The following NUF2 variants were observed in gnomAD, a reference collection of about 807,000 sequenced individuals.
NUF2 encodes the protein kinetochore protein Nuf2.
Under a neutral mutation model 61.8 loss-of-function variants are expected in NUF2, and 34 were observed. The observed-to-expected ratio is 0.55, with a 90% confidence interval of 0.42 to 0.73. NUF2 has a LOEUF of 0.73. NUF2 is among the 30% of genes least tolerant of loss of function. The pLI, the probability that NUF2 is intolerant of heterozygous loss-of-function variation, is 0.00. For missense variants in NUF2, 445 were observed against 539.1 expected, an observed-to-expected ratio of 0.83 and a Z score of 1.73; for synonymous variants, 172 against 181.6, an observed-to-expected ratio of 0.95 and a Z score of 0.42.
intron 5 of NUF2, 80 bp from the exon 6 acceptor site, chr1:163,336,671 A>T: frequency 1.2e-6 from 1 of 836,300 alleles, no homozygotes; most frequent in Non-Finnish European, 2.1e-6. Flanking sequence ...AGCAGAATAT[A>T]TAGTGGAAGA....
At chr1:163,333,255 A>G (rs1405128388) in intron 5 of NUF2, among the ~76,000 whole-genome samples, 1 of 152,092 alleles carries the variant, frequency 6.6e-6, no homozygotes. Context: ...GTTTCTTTTC[A>G]TTAGTATTAC....
At chr1:163,332,459 A>G (rs957493567) in intron 5 of NUF2, among the ~76,000 whole-genome samples, 1 of 152,174 alleles carries the variant, frequency 6.6e-6, no homozygotes, top group South Asian at 2.1e-4. Flanking sequence ...GTGACTTAAG[A>G]TAACATACAT....
At chr1:163,345,583 A>C in intron 10 of NUF2, 95 bp from the exon 11 acceptor site, 14 of 1,101,338 alleles carry the variant, frequency 1.3e-5, no homozygotes, top group Non-Finnish European at 1.7e-5. Flanking sequence ...TTCAGTATTA[A>C]ATGTGGAAAT....
chr1:163,337,917 T>C, intron 6 of NUF2, 103 bp from the exon 7 acceptor site: 1 of 862,626 alleles, frequency 1.2e-6, no homozygotes, highest in Non-Finnish European at 1.9e-6. Context: ...CTATCTTAAA[T>C]TTTTTATTTC....
At chr1:163,350,072 C>T (rs368082566) in intron 13 of NUF2, among the ~76,000 whole-genome samples, 3 of 151,670 alleles carry the variant, frequency 2.0e-5, no homozygotes, top group Admixed American at 6.6e-5. Flanking sequence ...GAGGCCGAGG[C>T]GGGCGGATCA....
At chr1:163,325,787 G>A (rs1557945588) in intron 1 of NUF2, among the ~76,000 whole-genome samples, 1 of 152,028 alleles carries the variant, frequency 6.6e-6, no homozygotes, top group Non-Finnish European at 1.5e-5. Context: ...CAAATGTGTT[G>A]TTCTCTTCCT....
intron 13 of NUF2, among the ~76,000 whole-genome samples, chr1:163,351,896 T>C (rs1651333301): frequency 6.6e-6 from 1 of 152,218 alleles, no homozygotes; most frequent in African/African-American, 2.4e-5. Flanking sequence ...TTCCCATAGA[T>C]AATTTATCTC....
intron 8 of NUF2, 31 bp downstream of exon 8, chr1:163,339,508 A>T (rs748898424): frequency 7.0e-7 from 1 of 1,422,808 alleles, no homozygotes; most frequent in Admixed American, 1.7e-5. Context: ...TAAACTTTAA[A>T]AAACAAAATT....
chr1:163,339,355 AT>A, intron 7 of NUF2, 25 bp from the exon 8 acceptor site: 1 of 1,431,876 alleles, frequency 7.0e-7, no homozygotes, highest in Non-Finnish European at 9.8e-7. Flanking sequence ...GAAGAGCAGT[AT>A]TTTAATCTAT....
At chr1:163,348,891 G>A (rs760887563) in intron 12 of NUF2, 54 bp from the exon 13 acceptor site, 43 of 1,567,766 alleles carry the variant, frequency 2.7e-5, no homozygotes, top group Non-Finnish European at 3.7e-5. Context: ...AATTGTGTTT[G>A]CCTTTTTAGT....
intron 9 of NUF2, among the ~76,000 whole-genome samples, chr1:163,343,077 C>G (rs990224899): frequency 6.6e-6 from 1 of 152,140 alleles, no homozygotes; most frequent in Non-Finnish European, 1.5e-5. Flanking sequence ...GAATTTCCAG[C>G]TACCCTTCAC....
chr1:163,322,590 C>G (rs545710841), intron 1 of NUF2, among the ~76,000 whole-genome samples: 2 of 152,286 alleles, frequency 1.3e-5, no homozygotes, highest in East Asian at 1.9e-4. Context: ...GTTCAAGGAA[C>G]GTTTTACTTA....
intron 11 of NUF2, chr1:163,346,333 T>A (rs2101687113): frequency 6.6e-6 from 1 of 152,294 alleles, no homozygotes; most frequent in Non-Finnish European, 1.5e-5. Context: ...TGTACTAAAA[T>A]CAATAAGTTT....
intron 1 of NUF2, 26 bp downstream of exon 1, chr1:163,322,238 T>A (rs1201786751): frequency 1.3e-5 from 2 of 152,248 alleles, no homozygotes; most frequent in Admixed American, 1.3e-4. Flanking sequence ...GTCGTTACTT[T>A]TTATTTGATG....
chr1:163,322,558 G>A lies in NUF2; in HGVS notation c.-21+346G>A, dbSNP rs927233563. On this transcript the variant is annotated intron_variant, in intron 1 of 13. Coordinates refer to ENST00000271452, the MANE Select transcript of NUF2 (RefSeq NM_145697.3). ...ATATATAGCACTACGCATGCATAAC[G>A]CCATCATTGTTCCTTTTAAAAGTTC... Among the ~76,000 whole-genome samples, 6 of 152,248 alleles carry A rather than the reference G, an allele frequency of 3.9e-5. No individual in the cohort carries two copies. The South Asian group carries it at 8.3e-4, about 21-fold the overall frequency.
intron 13 of NUF2, among the ~76,000 whole-genome samples, chr1:163,353,900 A>G (rs1260311885): frequency 2.0e-5 from 3 of 152,164 alleles, no homozygotes; most frequent in Non-Finnish European, 4.4e-5. Flanking sequence ...CTCGGAAGGA[A>G]AGTATTCCTT....
rs1430559671 is a variant in NUF2 at position 163,327,531 on chromosome 1, TA to T, written c.168del (p.Tyr57MetfsTer10). ...ATCTACATGAGAGCCTTACAAATAGTATATGGAATTCGACTGGAACATTTTT... is the reference window on the plus strand; with the variant it reads ...ATCTACATGAGAGCCTTACAAATAGTTATGGAATTCGACTGGAACATTTTT... ...HMIYMRALQI[V>X]YGIRLEHFYM... On this transcript the variant is annotated frameshift_variant, in exon 3 of 14. Transcript: ENST00000271452. LOFTEE classifies it high-confidence loss of function. 5.6e-6 allele frequency: 9 copies of T among 1,612,226 alleles called. No homozygotes were observed. The highest frequency in any genetic ancestry group is 1.3e-5 in the African/African-American group (1 of 74,856).
At position 163,343,947 on chromosome 1, in the gene NUF2, T is replaced by C. The variant is rs913136671; in HGVS notation, c.807+77T>C. On this transcript the variant is annotated intron_variant, in intron 10 of 13. Coordinates refer to ENST00000271452, the MANE Select transcript of NUF2 (RefSeq NM_145697.3). The stretch of plus-strand genomic sequence containing the variant: ...AAATTCTTGTTTAATTATGTGTTAA[T>C]TTTTGGATTTCTGAATTATCTATAC... 5 of 950,914 alleles carry C rather than the reference T, an allele frequency of 5.3e-6. No homozygotes were observed. In the African/African-American group the frequency reaches 8.6e-5, roughly 16 times the overall value. The allele number at this position is 950,914 out of a possible 1,614,324, so 58.9% of individuals were successfully genotyped here.
At chr1:163,353,573 C>T (rs749358698) in intron 13 of NUF2, among the ~76,000 whole-genome samples, 1 of 151,998 alleles carries the variant, frequency 6.6e-6, no homozygotes, top group Non-Finnish European at 1.5e-5. Flanking sequence ...TTGCTGTATT[C>T]GACAGTACAG....
Sources: gnomAD v4.1 joint callset for allele counts (sites outside exome capture counted in the v4.1 genomes callset) on GRCh38, gnomAD v4.1.1 for gene constraint, MANE v1.5 for transcripts, NCBI Gene and HGNC (gene_info 2026-07-23, HGNC 2026-07-21) for gene names.